The following PPM1B variants were observed in gnomAD, a reference collection of about 807,000 sequenced individuals.
The protein encoded by PPM1B is protein phosphatase 1B.
PPM1B carries 22 observed loss-of-function variants against 43.0 expected under a neutral mutation model. The ratio of observed to expected loss-of-function variants is 0.51; its 90% confidence interval spans 0.37 to 0.73. The LOEUF (loss-of-function observed/expected upper bound fraction) is 0.73, where lower values mean the gene tolerates loss of function less well. PPM1B is among the 30% of genes least tolerant of loss of function. PPM1B has a pLI of 0.00. For synonymous variants in PPM1B, 217 were observed against 197.9 expected (o/e 1.10, Z -0.81); for missense variants, 632 against 584.2 (o/e 1.08, Z -0.84).
chr2:44,196,820 A>G (rs1403697778), intron 1 of PPM1B, among the ~76,000 whole-genome samples: 1 of 152,252 alleles, frequency 6.6e-6, no homozygotes, highest in Non-Finnish European at 1.5e-5. Flanking sequence ...TGGTTATAAC[A>G]TCTCAGAAAT....
At position 44,201,454 on chromosome 2, in the gene PPM1B, T is replaced by C. The variant is rs1242164115; in HGVS notation, c.255T>C (p.Phe85=). 6 of 1,614,066 alleles carry C rather than the reference T, an allele frequency of 3.7e-6. No homozygotes were observed. The highest frequency in any genetic ancestry group is 2.7e-5 in the African/African-American group (2 of 74,922). Residue 85 remains phenylalanine (F), a synonymous_variant, in exon 2 of 6, where the codon TTT becomes TTC. Transcript: ENST00000282412. The surrounding 1 kb of genome is among the most constrained non-coding windows in gnomAD (Gnocchi z 5.4). The stretch of plus-strand genomic sequence containing the variant: ...AACACATCACTACTAACGAAGACTT[T>C]AGGGCAGCTGGAAAATCAGGATCTG... ...LLEHITTNED[F]RAAGKSGSAL... is the part of the protein sequence containing the mutation.
chr2:44,244,594 T>C (rs1412942578), downstream of PPM1B, among the ~76,000 whole-genome samples: 1 of 151,974 alleles, frequency 6.6e-6, no homozygotes. Flanking sequence ...AAAAGCACCA[T>C]TTAAATCGGA....
intron 2 of PPM1B, among the ~76,000 whole-genome samples, chr2:44,205,054 A>G (rs1210775578): frequency 2.0e-5 from 3 of 152,262 alleles, no homozygotes; most frequent in East Asian, 3.9e-4. Context: ...GTTTACTGCC[A>G]ACTAATTTCG....
downstream of PPM1B, chr2:44,233,923 C>T: frequency 2.0e-6 from 2 of 985,314 alleles, no homozygotes; most frequent in Non-Finnish European, 2.4e-6. Flanking sequence ...ATGAAGAATG[C>T]AAAATGGTTT....
intron 5 of PPM1B, among the ~76,000 whole-genome samples, chr2:44,225,247 TAC>T: frequency 6.6e-6 from 1 of 152,170 alleles, no homozygotes; most frequent in Non-Finnish European, 1.5e-5. Context: ...AAATTGTCTT[TAC>T]TCTAAAAGAG....
chr2:44,232,798 C>CT, downstream of PPM1B: 10 of 984,156 alleles, frequency 1.0e-5, no homozygotes, highest in Non-Finnish European at 1.2e-5. Flanking sequence ...CCTTTTGCAG[C>CT]TCTGTGGCTT....
rs184493380 is a variant in PPM1B, at chr2:44,185,950, T to G, written c.-14-15236T>G. On this transcript the variant is annotated intron_variant, in intron 1 of 5. Transcript: ENST00000282412. The stretch of plus-strand genomic sequence containing the variant: ...GGAAGAGGGGAGGACTTAAATAATT[T>G]AATTCTGATGATACTAAGAATTGGA... Among the ~76,000 whole-genome samples, 305 of 152,316 alleles carry G rather than the reference T, an allele frequency of 2.0e-3. 2 individuals carry two copies. The highest frequency in any genetic ancestry group is 7.0e-3 in the African/African-American group (291 of 41,576).
intron 5 of PPM1B, among the ~76,000 whole-genome samples, chr2:44,223,041 G>A (rs774552782): frequency 9.2e-5 from 14 of 152,016 alleles, no homozygotes; most frequent in Admixed American, 5.9e-4. Context: ...TTCATTGCCA[G>A]GGCTAGTCTT....
intron 5 of PPM1B, among the ~76,000 whole-genome samples, chr2:44,220,130 A>C (rs1669906312): frequency 6.6e-6 from 1 of 152,128 alleles, no homozygotes; most frequent in Non-Finnish European, 1.5e-5. Flanking sequence ...TAGATTCTTC[A>C]GGGCATCCAC....
At chr2:44,184,003 G>A (rs1280644245) in intron 1 of PPM1B, among the ~76,000 whole-genome samples, 1 of 152,226 alleles carries the variant, frequency 6.6e-6, no homozygotes, top group Non-Finnish European at 1.5e-5. Flanking sequence ...CTCCCAAAGT[G>A]CTGGGATTAC....
At position 44,202,022 on chromosome 2, in the gene PPM1B, G is replaced by A; in HGVS notation, c.823G>A (p.Val275Ile). The change falls in exon 2 of 6, where the codon GTA (valine) becomes ATA (isoleucine). Residue 275 changes from valine to isoleucine, a missense_variant. Val to Ile is a conservative substitution (Grantham distance 29, BLOSUM62 3). Around this residue, in one of 3 missense-constraint regions of PPM1B, gnomAD observed 392 missense variants for 302.7 expected, o/e 1.29. Coordinates refer to ENST00000282412, the MANE Select transcript of PPM1B (RefSeq NM_002706.6). ...TGACCTGGAAAATGTGTGCAATTGG[G>A]TAGTGGACACTTGTTTACACAAGGT... ...SDDLENVCNWVVDTCLHKGSR... is the reference protein window; with the variant it reads ...SDDLENVCNWIVDTCLHKGSR... The A allele has an allele frequency of 6.3e-7, 1 of 1,591,204 alleles. No homozygotes were observed. Among genetic ancestry groups the A allele is most frequent in the Non-Finnish European group, 8.6e-7 (1 of 1,169,074 alleles).
Position 44,231,239 on chromosome 2 carries a change from TCTCTGTA to T in PPM1B, c.*522_*528del. Reference sequence around the variant, plus strand: ...TTGTTTGATTTGTTTATATTTTACATCTCTGTAGTTTTATTTTTAGAAGTTGTGAGAT... The same window carrying T: ...TTGTTTGATTTGTTTATATTTTACATGTTTTATTTTTAGAAGTTGTGAGAT... On this transcript the variant is annotated 3_prime_UTR_variant, in exon 6 of 6. Transcript: ENST00000282412. 1 of 979,900 alleles carries T rather than the reference TCTCTGTA, an allele frequency of 1.0e-6. No individual in the cohort carries two copies. The highest frequency in any genetic ancestry group is 4.7e-5 in the South Asian group (1 of 21,182). The allele number at this position is 979,900 out of a possible 1,614,324, so 60.7% of individuals were successfully genotyped here.
chr2:44,228,207 TAA>T (rs1342157109), intron 5 of PPM1B, among the ~76,000 whole-genome samples: 1 of 148,126 alleles, frequency 6.8e-6, no homozygotes, highest in African/African-American at 2.5e-5. Context: ...TTTTTTTTTT[TAA>T]GAGGGTCTCA....
chr2:44,245,777 G>A (rs190868737), downstream of PPM1B, among the ~76,000 whole-genome samples: 336 of 152,252 alleles, frequency 2.2e-3, 1 homozygote, highest in African/African-American at 7.8e-3. Context: ...CCAAATTGCT[G>A]TAACTATGTG....
Position 44,201,194 on chromosome 2 carries a change from C to G in PPM1B, c.-6C>G. The G allele has an allele frequency of 6.4e-7, 1 of 1,573,842 alleles. No individual in the cohort carries two copies. The highest frequency in any genetic ancestry group is 2.3e-5 in the East Asian group (1 of 44,312). On this transcript the variant is annotated 5_prime_UTR_variant, in exon 2 of 6. Transcript: ENST00000282412. This position sits in a 1 kb window ranked among gnomAD's most constrained non-coding sequence, Gnocchi z 5.4. ...TGCATTTTTTATTTCAGATTTATTGCTAAACATGGGTGCATTTTTGGATAA... is the reference window on the plus strand; with the variant it reads ...TGCATTTTTTATTTCAGATTTATTGGTAAACATGGGTGCATTTTTGGATAA...
chr2:44,232,654 C>T, downstream of PPM1B: 1 of 1,168,400 alleles, frequency 8.6e-7, no homozygotes, highest in Non-Finnish European at 1.1e-6. Context: ...GCCTGAGGTG[C>T]ATGGGAAATA....
chr2:44,203,347 G>A (rs897394560), intron 2 of PPM1B, among the ~76,000 whole-genome samples: 2 of 151,890 alleles, frequency 1.3e-5, no homozygotes, highest in Non-Finnish European at 2.9e-5. Flanking sequence ...ATAGTAAGTG[G>A]GTCTAAAATT....
chr2:44,210,208 G>A (rs936760881), intron 3 of PPM1B, among the ~76,000 whole-genome samples: 1 of 148,616 alleles, frequency 6.7e-6, no homozygotes, highest in Non-Finnish European at 1.5e-5. Context: ...ACTTCATTTG[G>A]CAATAAATTT....
chr2:44,181,876 G>A (rs898177886), intron 1 of PPM1B, among the ~76,000 whole-genome samples: 1 of 152,136 alleles, frequency 6.6e-6, no homozygotes, highest in African/African-American at 2.4e-5. Context: ...CTGTGTTTTG[G>A]GTTGAAGGTT....
Sources: gnomAD v4.1 joint callset for allele counts (sites outside exome capture counted in the v4.1 genomes callset) on GRCh38, gnomAD v4.1.1 for gene constraint, gnomAD v4.1.1 regional missense constraint, Gnocchi (gnomAD v3.1) non-coding constraint, MANE v1.5 for transcripts, NCBI Gene and HGNC (gene_info 2026-07-23, HGNC 2026-07-21) for gene names.